Variants in EML6 observed in about 807,000 individuals in gnomAD.
EML6 encodes EMAP like 6, also known as echinoderm microtubule-associated protein-like 6.
In EML6, 154 loss-of-function variants were observed where a neutral mutation model predicts 240.1. The observed-to-expected ratio is 0.64, with a 90% CI of 0.56 to 0.73. EML6 has a LOEUF of 0.73. Ranked by LOEUF, EML6 falls within the 30% of genes least tolerant of loss-of-function variation. The probability of loss-of-function intolerance (pLI) is 0.00; values close to 1 mark genes in which losing one functional copy is unlikely to be tolerated. For synonymous variants in EML6, 1,148 were observed against 899.0 expected (o/e 1.28, Z -4.95); for missense variants, 2,964 against 2,474.6 (o/e 1.20, Z -4.20).
At chr2:54,951,791 C>G (rs1259495764) in intron 30 of EML6, among the ~76,000 whole-genome samples, 1 of 151,928 alleles carries the variant, frequency 6.6e-6, no homozygotes, top group Non-Finnish European at 1.5e-5. Flanking sequence ...AGTGAAATCA[C>G]TGGGCACATG....
chr2:54,864,563 T>C (rs1434023910), intron 13 of EML6, among the ~76,000 whole-genome samples: 1 of 152,224 alleles, frequency 6.6e-6, no homozygotes, highest in Non-Finnish European at 1.5e-5. Context: ...TTTTCTTTCT[T>C]GTCACTTAAC....
At chr2:54,790,884 C>T (rs934073545) in intron 2 of EML6, among the ~76,000 whole-genome samples, 1 of 151,952 alleles carries the variant, frequency 6.6e-6, no homozygotes, top group African/African-American at 2.4e-5. Flanking sequence ...TGCCACCGCG[C>T]CCAGCTAATT....
At chr2:54,875,500 C>T (rs905695590) in intron 16 of EML6, among the ~76,000 whole-genome samples, 3 of 152,190 alleles carry the variant, frequency 2.0e-5, no homozygotes, top group Admixed American at 6.5e-5. Flanking sequence ...TGATAGCGTG[C>T]TTGTCTCTTA....
Position 54,903,474 on chromosome 2 carries a change from T to C in EML6, c.3381T>C (p.Tyr1127=), listed in dbSNP as rs984462816. ...GCATCTGTAAAGGTGCTTCTAGTTA[T>C]ATTACACACATTGACTGGGACTCTA... is the stretch of plus-strand genomic sequence containing the variant. ...RVGICKGASS[Y]ITHIDWDSRG... Residue 1127 remains tyrosine (Y), a synonymous_variant, in exon 24 of 42, where the codon TAT becomes TAC. Coordinates refer to ENST00000356458, the MANE Select transcript of EML6 (RefSeq NM_001039753.4). 46 of 1,551,986 alleles carry C rather than the reference T, an allele frequency of 3.0e-5. No individual in the cohort carries two copies. In the East Asian group the frequency reaches 1.0e-3, roughly 35 times the overall value.
intron 7 of EML6, among the ~76,000 whole-genome samples, chr2:54,839,572 T>G (rs1036029490): frequency 7.2e-5 from 11 of 152,276 alleles, no homozygotes. Context: ...TTCTCTTCCC[T>G]TCCACCCATG....
intron 16 of EML6, among the ~76,000 whole-genome samples, chr2:54,873,439 T>TA (rs1671356865): frequency 1.3e-5 from 2 of 152,182 alleles, no homozygotes; most frequent in Admixed American, 1.3e-4. Context: ...ATTCACTCAA[T>TA]AAACAGTGAA....
intron 41 of EML6, 92 bp from the exon 42 acceptor site, chr2:54,969,979 G>T: frequency 1.5e-6 from 2 of 1,368,210 alleles, no homozygotes; most frequent in South Asian, 2.5e-5. Flanking sequence ...ACCCGAGCTT[G>T]ACTTTTGAGC....
chr2:54,903,530 G>C (rs1448788483), intron 24 of EML6, 28 bp downstream of exon 24: 8 of 1,425,070 alleles, frequency 5.6e-6, no homozygotes, highest in Non-Finnish European at 6.5e-6. Flanking sequence ...TTTTAAAATA[G>C]AATTTCTGTG....
At chr2:54,889,429 A>G (rs889299785) in intron 17 of EML6, among the ~76,000 whole-genome samples, 20 of 90,816 alleles carry the variant, frequency 2.2e-4, no homozygotes, top group African/African-American at 8.2e-4. Flanking sequence ...TTCCAAGAAC[A>G]TGGGATATAG....
intron 2 of EML6, among the ~76,000 whole-genome samples, chr2:54,802,000 T>C (rs1276916854): frequency 6.6e-6 from 1 of 152,238 alleles, no homozygotes; most frequent in Non-Finnish European, 1.5e-5. Context: ...GAATGTGTTC[T>C]TGCATCCATC....
At chr2:54,947,072 A>G (rs1307451841) in intron 28 of EML6, among the ~76,000 whole-genome samples, 1 of 152,104 alleles carries the variant, frequency 6.6e-6, no homozygotes, top group Non-Finnish European at 1.5e-5. Context: ...CCTGAAATCG[A>G]GCCCTGTGTT....
At chr2:54,843,926 T>A in intron 7 of EML6, 121 bp from the exon 8 acceptor site, 1 of 738,120 alleles carries the variant, frequency 1.4e-6, no homozygotes, top group Non-Finnish European at 2.3e-6. Context: ...GTGTCACATT[T>A]GATGGTATCC....
intron 14 of EML6, 186 bp downstream of exon 14, chr2:54,867,070 C>T (rs1671010422): frequency 1.8e-5 from 8 of 444,610 alleles, no homozygotes; most frequent in Admixed American, 7.3e-5. Flanking sequence ...CCACTTCCCT[C>T]GTTGATGTTC....
intron 2 of EML6, among the ~76,000 whole-genome samples, chr2:54,788,438 T>G (rs1284019455): frequency 1.3e-5 from 2 of 152,220 alleles, no homozygotes; most frequent in African/African-American, 2.4e-5. Context: ...GAGGGGCATC[T>G]GGTCATGTGT....
Position 54,892,712 on chromosome 2 carries a change from T to C in EML6, c.2742+56T>C. ...TCATCAGCCTTCTAAAATTATAAGGTAGTCTTAGGATGGCCCAAGAGGATG... is the reference window on the plus strand; with the variant it reads ...TCATCAGCCTTCTAAAATTATAAGGCAGTCTTAGGATGGCCCAAGAGGATG... On this transcript the variant is annotated intron_variant, in intron 19 of 41. Transcript: ENST00000356458. The C allele has an allele frequency of 2.1e-6, 3 of 1,404,862 alleles. No homozygotes were observed. The East Asian group carries it at 7.5e-5, about 35-fold the overall frequency. The allele number at this position is 1,404,862 out of a possible 1,614,324, so 87.0% of individuals were successfully genotyped here. A position where few individuals can be genotyped will look rare whatever the true frequency, so the allele number is the denominator to read the frequency against.
At chr2:54,847,644 T>C (rs1307136177) in intron 9 of EML6, 21 bp downstream of exon 9, 64 of 1,550,710 alleles carry the variant, frequency 4.1e-5, no homozygotes, top group Non-Finnish European at 5.5e-5. Context: ...ATGTTGAAAA[T>C]GGTATTTAGA....
intron 28 of EML6, among the ~76,000 whole-genome samples, chr2:54,939,636 C>G (rs564063654): frequency 1.3e-5 from 2 of 152,176 alleles, no homozygotes; most frequent in Non-Finnish European, 2.9e-5. Context: ...AAGGGTGATC[C>G]TTATCCTCCC....
intron 17 of EML6, chr2:54,881,939 A>G (rs536536933): frequency 3.9e-5 from 6 of 152,348 alleles, no homozygotes; most frequent in East Asian, 1.9e-4. Flanking sequence ...AGATTTCTCC[A>G]CAGAGGAGGA....
chr2:54,863,958 G>A, intron 13 of EML6, 69 bp downstream of exon 13: 1 of 822,172 alleles, frequency 1.2e-6, no homozygotes, highest in South Asian at 1.8e-5. Context: ...TTTGGACATA[G>A]CACTAAAAAT....
Sources: allele counts gnomAD v4.1 joint callset (sites outside exome capture counted in the v4.1 genomes callset), GRCh38; gene constraint gnomAD v4.1.1; transcripts MANE v1.5; gene names NCBI Gene and HGNC (gene_info 2026-07-23, HGNC 2026-07-21).